Variants in PRDM14 observed in about 807,000 individuals in gnomAD.
The protein encoded by PRDM14 is PR domain zinc finger protein 14.
PRDM14 carries 16 observed loss-of-function variants against 48.0 expected under a neutral mutation model. The ratio of observed to expected loss-of-function variants is 0.33; its 90% confidence interval spans 0.23 to 0.51. The LOEUF (loss-of-function observed/expected upper bound fraction) is 0.51. Among genes scored for constraint, PRDM14 ranks in the 20% least tolerant of loss-of-function variants. The probability of loss-of-function intolerance (pLI) is 0.97; values close to 1 mark genes in which losing one functional copy is unlikely to be tolerated. For synonymous variants in PRDM14, 264 were observed against 276.6 expected (o/e 0.95, Z 0.45); for missense variants, 566 against 719.6 (o/e 0.79, Z 2.44).
At chr8:70,066,703 C>T (rs1441998673) in intron 4 of PRDM14, among the ~76,000 whole-genome samples, 198 bp from the exon 5 acceptor site, 3 of 152,096 alleles carry the variant, frequency 2.0e-5, no homozygotes, top group Non-Finnish European at 4.4e-5. Flanking sequence ...AAGGACACCT[C>T]TCTAGGTAAT....
intron 6 of PRDM14, among the ~76,000 whole-genome samples, chr8:70,058,234 G>A (rs368860357): frequency 3.3e-5 from 5 of 152,110 alleles, no homozygotes; most frequent in South Asian, 4.2e-4. Context: ...GGAACAAGGC[G>A]CAGTTCCCCA....
In PRDM14 at chr8:70,058,624, T is replaced by C. The variant is rs1805521703; in HGVS notation, c.1386+16A>G. ...AGAGAACGTGATGGTGGGTCATGTG[T>C]CCTCCTAATACTCACCTTGTGAGGC... On this transcript the variant is annotated intron_variant, in intron 6 of 7. Transcript: ENST00000276594. 2.5e-6 allele frequency: 4 copies of C among 1,609,730 alleles called. No homozygotes were observed. The East Asian group carries it at 8.9e-5, about 36-fold the overall frequency.
At chr8:70,069,933 G>A in intron 1 of PRDM14, 49 bp from the exon 2 acceptor site, 3 of 1,209,152 alleles carry the variant, frequency 2.5e-6, no homozygotes, top group Non-Finnish European at 3.4e-6. Flanking sequence ...AGCTTCCCGG[G>A]GTCCGACCCG....
chr8:70,066,892 AT>A (rs1212788282), intron 4 of PRDM14, among the ~76,000 whole-genome samples: 15 of 151,872 alleles, frequency 9.9e-5, no homozygotes, highest in Admixed American at 9.2e-4. Context: ...CGCCTGGCAA[AT>A]TTTTTTAAAA....
In PRDM14 at chr8:70,058,691, G is replaced by A. The variant is rs771040480; in HGVS notation, c.1335C>T (p.Asp445=). The A allele has an allele frequency of 3.7e-6, 6 of 1,614,132 alleles. No homozygotes were observed. The highest frequency in any genetic ancestry group is 1.3e-5 in the African/African-American group (1 of 75,044). ...CATGAAGAATGTGGATCCGAAGCCGGTCCCGCTTCTCAAAGGATCGTTTGC... is the reference window on the plus strand; with the variant it reads ...CATGAAGAATGTGGATCCGAAGCCGATCCCGCTTCTCAAAGGATCGTTTGC... ...SLCKRSFEKR[D]RLRIHILHVH... The change falls in exon 6 of 8, where the codon GAC becomes GAT. Residue 445 remains aspartate, a synonymous_variant. Transcript: ENST00000276594.
intron 7 of PRDM14, among the ~76,000 whole-genome samples, chr8:70,054,452 A>G (rs532608123): frequency 6.6e-6 from 1 of 152,128 alleles, no homozygotes; most frequent in African/African-American, 2.4e-5. Flanking sequence ...ACAGCTAGGT[A>G]AGCACCAGAG....
At chr8:70,059,139 G>GAAACTAAAATACA (rs34483131) in intron 5 of PRDM14, among the ~76,000 whole-genome samples, 4 of 151,934 alleles carry the variant, frequency 2.6e-5, no homozygotes, top group African/African-American at 7.3e-5. Context: ...ATTTTTAGTA[G>GAAACTAAAATACA]AAACAGGGTT....
Position 70,066,645 on chromosome 8 carries a change from T to C in PRDM14, c.913-140A>G, listed in dbSNP as rs1563442296. Reference sequence around the variant, plus strand: ...TCTATCATTCTGATTTTTATGTCATTACAAGTAGTTTATAAATTTACTTAT... The same window carrying C: ...TCTATCATTCTGATTTTTATGTCATCACAAGTAGTTTATAAATTTACTTAT... On this transcript the variant is annotated intron_variant, in intron 4 of 7. Coordinates refer to ENST00000276594, the MANE Select transcript of PRDM14 (RefSeq NM_024504.4). 7 of 689,892 alleles carry C rather than the reference T, an allele frequency of 1.0e-5. No homozygotes were observed. The East Asian group carries it at 1.9e-4, about 19-fold the overall frequency. 42.7% of individuals were successfully genotyped at this position (689,892 alleles called of 1,614,324 possible).
rs201454726 is a variant in PRDM14, at chr8:70,068,190, G to A, written c.912+40C>T. ...CAAGATTTCCCCGGACTAGTCTCCC[G>A]CCCCATTTTCAGCAGCAGACCCACC... On this transcript the variant is annotated intron_variant, in intron 4 of 7. Coordinates refer to ENST00000276594, the MANE Select transcript of PRDM14 (RefSeq NM_024504.4). 1.3e-4 allele frequency: 214 copies of A among 1,611,040 alleles called. 1 individual carries two copies. The Middle Eastern group carries it at 1.5e-3, about 11-fold the overall frequency.
chr8:70,055,490 A>C, intron 6 of PRDM14, 89 bp from the exon 7 acceptor site: 1 of 695,948 alleles, frequency 1.4e-6, no homozygotes, highest in South Asian at 1.8e-5. Flanking sequence ...TTAGAGAAGA[A>C]CTCTTTTCCA....
intron 1 of PRDM14, among the ~76,000 whole-genome samples, chr8:70,070,139 GCCTTCC>G (rs1421666363): frequency 6.6e-6 from 1 of 152,198 alleles, no homozygotes; most frequent in Non-Finnish European, 1.5e-5. Context: ...GGTTAGTGTT[GCCTTCC>G]CCTTCCCTCT....
rs117553363 is a variant in PRDM14, at chr8:70,051,766, A to T, written c.*311T>A. ...GTCTCCACACTCTTGAGGGCTACTC[A>T]TTTTTTTTGTTTTGTTTTGTTTTGA... is the stretch of plus-strand genomic sequence containing the variant. On this transcript the variant is annotated 3_prime_UTR_variant, in exon 8 of 8. Coordinates refer to ENST00000276594, the MANE Select transcript of PRDM14 (RefSeq NM_024504.4). The T allele has an allele frequency of 0.27, 27,623 of 103,352 alleles. 2,028 individuals carry two copies. The highest frequency in any genetic ancestry group is 0.31 in the Non-Finnish European group (19,890 of 64,532). 6.4% of individuals were successfully genotyped at this position (103,352 alleles called of 1,614,324 possible).
chr8:70,053,593 C>T (rs1297448935), intron 7 of PRDM14, among the ~76,000 whole-genome samples: 2 of 152,066 alleles, frequency 1.3e-5, no homozygotes, highest in Non-Finnish European at 2.9e-5. Flanking sequence ...TTCTCCATGT[C>T]GGCCAGGCTG....
chr8:70,061,006 A>T (rs1337307558), intron 5 of PRDM14, among the ~76,000 whole-genome samples: 2 of 152,208 alleles, frequency 1.3e-5, no homozygotes, highest in African/African-American at 2.4e-5. Context: ...GACTAATTTA[A>T]TTCTAACACT....
chr8:70,064,523 CTTT>C (rs1170368852), intron 5 of PRDM14, among the ~76,000 whole-genome samples: 26 of 136,152 alleles, frequency 1.9e-4, no homozygotes, highest in Non-Finnish European at 2.4e-4. Context: ...ATGCAATTTA[CTTT>C]TTTTTTTTTT....
chr8:70,067,852 A>G (rs1055335931), intron 4 of PRDM14, among the ~76,000 whole-genome samples: 1 of 152,124 alleles, frequency 6.6e-6, no homozygotes, highest in Non-Finnish European at 1.5e-5. Flanking sequence ...CTAATTTTAT[A>G]GGTGAATAAT....
intron 7 of PRDM14, 86 bp from the exon 8 acceptor site, chr8:70,052,390 G>A: frequency 9.1e-7 from 1 of 1,098,264 alleles, no homozygotes; most frequent in Admixed American, 2.1e-5. Flanking sequence ...AAATTTCACT[G>A]TTGCTCATCC....
chr8:70,062,160 C>G (rs1391558847), intron 5 of PRDM14, among the ~76,000 whole-genome samples: 2 of 152,182 alleles, frequency 1.3e-5, no homozygotes, highest in Non-Finnish European at 2.9e-5. Flanking sequence ...TATATGTCCT[C>G]ATAATAATGC....
chr8:70,053,257 A>G (rs1220741084), intron 7 of PRDM14, among the ~76,000 whole-genome samples: 1 of 152,168 alleles, frequency 6.6e-6, no homozygotes, highest in Non-Finnish European at 1.5e-5. Flanking sequence ...TTACAGAAAG[A>G]GAAGCTAATA....
Sources: allele counts gnomAD v4.1 joint callset (sites outside exome capture counted in the v4.1 genomes callset), GRCh38; gene constraint gnomAD v4.1.1; transcripts MANE v1.5; gene names NCBI Gene and HGNC (gene_info 2026-07-23, HGNC 2026-07-21).